Variants in ANKRD11 observed in about 807,000 individuals in gnomAD.
ANKRD11 encodes the protein ankyrin repeat domain 11, also known as ankyrin repeat domain-containing protein 11.
Under a neutral mutation model 195.7 loss-of-function variants are expected in ANKRD11, and 17 were observed. The observed-to-expected ratio is 0.09, with a 90% CI of 0.06 to 0.13. The LOEUF (loss-of-function observed/expected upper bound fraction) is 0.13. Among genes scored for constraint, ANKRD11 ranks in the 10% least tolerant of loss-of-function variants. The pLI, the probability that ANKRD11 is intolerant of heterozygous loss-of-function variation, is 1.00. For missense variants in ANKRD11, 3,735 were observed against 3,566.1 expected (o/e 1.05, Z -1.21); for synonymous variants, 1,953 against 1,528.1 (o/e 1.28, Z -6.49).
rs1345331312 is a variant in ANKRD11, at chr16:89,316,914, T to A, written c.87+19A>T. 4.3e-6 allele frequency: 7 copies of A among 1,611,440 alleles called. No homozygotes were observed. The highest frequency in any genetic ancestry group is 5.9e-6 in the Non-Finnish European group (7 of 1,178,974). The stretch of plus-strand genomic sequence containing the variant: ...TCTGGGTGCGGTGAGCATGCAGGGC[T>A]GGGAGGGGGCAGCATTACCTTTTTC... On this transcript the variant is annotated intron_variant, in intron 3 of 12. Coordinates refer to ENST00000301030, the MANE Select transcript of ANKRD11 (RefSeq NM_013275.6).
chr16:89,308,474 A>C (rs974351519), intron 3 of ANKRD11, among the ~76,000 whole-genome samples: 1 of 152,228 alleles, frequency 6.6e-6, no homozygotes, highest in African/African-American at 2.4e-5. Context: ...GGCACTTCAC[A>C]AAAGAAAATA....
chr16:89,419,076 G>T (rs1318207517), intron 1 of ANKRD11, among the ~76,000 whole-genome samples: 2 of 151,696 alleles, frequency 1.3e-5, no homozygotes, highest in Non-Finnish European at 2.9e-5. Context: ...CTACATAAAA[G>T]GTGCAAAAAA....
chr16:89,283,730 C>T lies in ANKRD11; in HGVS notation c.2812G>A (p.Asp938Asn). The T allele has an allele frequency of 6.2e-7, 1 of 1,614,004 alleles. No homozygotes were observed. The highest frequency in any genetic ancestry group is 1.3e-5 in the African/African-American group (1 of 75,078). The change falls in exon 9 of 13, where the codon GAC becomes AAC. Residue 938 changes from aspartate to asparagine, a missense_variant. Transcript: ENST00000301030. This position sits in a 1 kb window ranked among gnomAD's most constrained non-coding sequence, Gnocchi z 4.3. ...TCTGCGGACTCTCTCCTCTTCTTGT[C>T]CTTTTCCGAAAGGTAGCCAGGGACA... Reference protein sequence around the residue: ...KSVPGYLSEKDKKRRESAEAG... With the variant: ...KSVPGYLSEKNKKRRESAEAG...
chr16:89,483,682 G>A (rs1261294685), intron 1 of ANKRD11, among the ~76,000 whole-genome samples: 1 of 152,114 alleles, frequency 6.6e-6, no homozygotes, highest in Non-Finnish European at 1.5e-5. Flanking sequence ...TACAAAATTA[G>A]CCAGGAGTGG....
At chr16:89,425,650 G>C (rs1167221506) in intron 1 of ANKRD11, among the ~76,000 whole-genome samples, 2 of 152,078 alleles carry the variant, frequency 1.3e-5, no homozygotes, top group South Asian at 4.1e-4. Flanking sequence ...CGGTTATTTC[G>C]ATTTTTTCGG....
chr16:89,442,522 C>A (rs2043559900), intron 1 of ANKRD11, among the ~76,000 whole-genome samples: 2 of 152,208 alleles, frequency 1.3e-5, no homozygotes, highest in African/African-American at 2.4e-5. Flanking sequence ...CTGTTTCTCT[C>A]TCTCTCAATA....
At chr16:89,380,923 G>C (rs2040615555) in intron 2 of ANKRD11, among the ~76,000 whole-genome samples, 1 of 152,228 alleles carries the variant, frequency 6.6e-6, no homozygotes, top group South Asian at 2.1e-4. Context: ...CAGGCAGACG[G>C]AGCACGCATC....
At chr16:89,300,779 G>A (rs2035803679) in intron 4 of ANKRD11, 1 of 676,240 alleles carries the variant, frequency 1.5e-6, no homozygotes, top group Non-Finnish European at 2.7e-6. Flanking sequence ...GCACTGCAGA[G>A]AGCACACCCC....
intron 2 of ANKRD11, among the ~76,000 whole-genome samples, chr16:89,368,199 G>A: frequency 6.6e-6 from 1 of 150,876 alleles, no homozygotes; most frequent in South Asian, 2.1e-4. Context: ...ACATGTTTTC[G>A]AGCTTTTTTT....
intron 2 of ANKRD11, among the ~76,000 whole-genome samples, chr16:89,346,162 T>C (rs990257646): frequency 7.2e-6 from 1 of 139,604 alleles, no homozygotes; most frequent in South Asian, 2.2e-4. Flanking sequence ...GGCAGGAGAA[T>C]CCCTTGAACC....
intron 4 of ANKRD11, among the ~76,000 whole-genome samples, chr16:89,301,935 C>T (rs992624249): frequency 3.9e-5 from 6 of 152,302 alleles, no homozygotes; most frequent in African/African-American, 1.4e-4. Context: ...CCAGCCTCTG[C>T]CACTTGGACA....
At chr16:89,315,625 C>T (rs570643743) in intron 3 of ANKRD11, among the ~76,000 whole-genome samples, 1 of 152,354 alleles carries the variant, frequency 6.6e-6, no homozygotes, top group South Asian at 2.1e-4. Flanking sequence ...GCCATGGAAC[C>T]CACCCAGCCC....
At chr16:89,340,330 T>A (rs1163604381) in intron 2 of ANKRD11, among the ~76,000 whole-genome samples, 12 of 152,258 alleles carry the variant, frequency 7.9e-5, no homozygotes. Flanking sequence ...CAGGCTGAAG[T>A]GCAGTGGCAC....
chr16:89,470,761 G>A (rs1354722268), intron 1 of ANKRD11, among the ~76,000 whole-genome samples: 10 of 42,172 alleles, frequency 2.4e-4, no homozygotes, highest in African/African-American at 4.2e-4. Context: ...AGTACCAGGC[G>A]GGTGGATCAC....
At chr16:89,381,268 G>T (rs1274729450) in intron 2 of ANKRD11, among the ~76,000 whole-genome samples, 2 of 150,176 alleles carry the variant, frequency 1.3e-5, no homozygotes, top group African/African-American at 4.9e-5. Flanking sequence ...GGAGGCGGAG[G>T]TTGCAGTGAG....
chr16:89,427,384 G>A (rs896119218), intron 1 of ANKRD11, among the ~76,000 whole-genome samples: 7 of 152,120 alleles, frequency 4.6e-5, no homozygotes, highest in South Asian at 4.1e-4. Flanking sequence ...GAATTCCAAC[G>A]GCCTTTTTTC....
chr16:89,432,998 T>TCTCA (rs1555577390), intron 1 of ANKRD11, among the ~76,000 whole-genome samples: 2 of 140,088 alleles, frequency 1.4e-5, no homozygotes, highest in African/African-American at 5.4e-5. Flanking sequence ...CTCCTCTCTC[T>TCTCA]CACACACACA....
chr16:89,368,371 GTTTTTTTTTTTTTTTTT>G (rs71134210), intron 2 of ANKRD11, among the ~76,000 whole-genome samples: 1,080 of 56,622 alleles, frequency 0.019, 27 homozygotes, highest in African/African-American at 0.049. Flanking sequence ...TAATTTTTGT[GTTTTTTTTTTTTTTTTT>G]TTTTTTTTTT....
chr16:89,287,206 G>T, intron 7 of ANKRD11: 1 of 846,316 alleles, frequency 1.2e-6, no homozygotes, highest in Non-Finnish European at 1.6e-6. Flanking sequence ...CCTCCTCTAA[G>T]GCCAGCAGCG....
Sources: gnomAD v4.1 joint callset for allele counts (sites outside exome capture counted in the v4.1 genomes callset) on GRCh38, gnomAD v4.1.1 for gene constraint, Gnocchi (gnomAD v3.1) non-coding constraint, MANE v1.5 for transcripts, NCBI Gene and HGNC (gene_info 2026-07-23, HGNC 2026-07-21) for gene names.